The following RBFOX1 variants were observed in gnomAD, a reference collection of about 807,000 sequenced individuals.
RBFOX1 encodes RNA binding fox-1 homolog 1.
Under a neutral mutation model 57.7 loss-of-function variants are expected in RBFOX1, and 8 were observed. The observed-to-expected ratio is 0.14, with a 90% CI of 0.08 to 0.25. The LOEUF is 0.25. Among genes scored for constraint, RBFOX1 ranks in the 10% least tolerant of loss-of-function variants. The pLI is 1.00. For synonymous variants in RBFOX1, 326 were observed against 222.4 expected, an observed-to-expected ratio of 1.47 and a Z score of -4.15; for missense variants, 611 against 548.5, an observed-to-expected ratio of 1.11 and a Z score of -1.14.
intron 1 of RBFOX1, among the ~76,000 whole-genome samples, chr16:5,306,149 C>G (rs1250010721): frequency 1.3e-5 from 2 of 152,136 alleles, no homozygotes; most frequent in African/African-American, 2.4e-5. Flanking sequence ...TGCGATGAGC[C>G]AAGGTCATGC....
chr16:6,826,679 T>G (rs1316689756), intron 3 of RBFOX1, among the ~76,000 whole-genome samples: 2 of 152,120 alleles, frequency 1.3e-5, no homozygotes, highest in African/African-American at 4.8e-5. Flanking sequence ...GCCTAAGAGC[T>G]CAGGAGAGAG....
chr16:7,476,183 G>C (rs187238428), intron 4 of RBFOX1, among the ~76,000 whole-genome samples: 1 of 152,082 alleles, frequency 6.6e-6, no homozygotes, highest in Non-Finnish European at 1.5e-5. Flanking sequence ...ATGTTGCCCA[G>C]GCTGGTCTTG....
chr16:6,580,231 ACAGGCATGAGCCAC>A, intron 2 of RBFOX1, among the ~76,000 whole-genome samples: 1 of 152,318 alleles, frequency 6.6e-6, no homozygotes, highest in East Asian at 1.9e-4. Flanking sequence ...TGCTGGGATT[ACAGGCATGAGCCAC>A]CATGCCCGGC....
intron 1 of RBFOX1, among the ~76,000 whole-genome samples, chr16:6,300,225 A>C (rs2078651374): frequency 6.6e-6 from 1 of 152,208 alleles, no homozygotes; most frequent in Non-Finnish European, 1.5e-5. Flanking sequence ...AAAGGATACA[A>C]CATTTCAATT....
intron 1 of RBFOX1, among the ~76,000 whole-genome samples, chr16:6,229,923 C>T (rs955700902): frequency 6.6e-6 from 1 of 151,858 alleles, no homozygotes; most frequent in Non-Finnish European, 1.5e-5. Context: ...CGAAAGTGAT[C>T]CTCATCCCTT....
intron 2 of RBFOX1, among the ~76,000 whole-genome samples, chr16:6,326,299 C>T (rs926197471): frequency 6.6e-6 from 1 of 152,122 alleles, no homozygotes; most frequent in Non-Finnish European, 1.5e-5. Flanking sequence ...AGTAAACAAA[C>T]AGATATGGTG....
chr16:6,022,711 CAAA>C (rs1321640240), intron 1 of RBFOX1, among the ~76,000 whole-genome samples: 1 of 152,030 alleles, frequency 6.6e-6, no homozygotes, highest in Non-Finnish European at 1.5e-5. Flanking sequence ...AACAAACAAA[CAAA>C]AAACAATTTG....
intron 1 of RBFOX1, among the ~76,000 whole-genome samples, chr16:6,078,793 C>A (rs1160375399): frequency 1.3e-5 from 2 of 152,324 alleles, no homozygotes; most frequent in Non-Finnish European, 2.9e-5. Context: ...CCTAGTCTTT[C>A]ATCATTCTGG....
intron 3 of RBFOX1, among the ~76,000 whole-genome samples, chr16:6,694,450 T>C (rs888610239): frequency 2.6e-5 from 4 of 152,216 alleles, no homozygotes; most frequent in Non-Finnish European, 5.9e-5. Flanking sequence ...TCATTTTGGA[T>C]ATAAAGAGGG....
intron 1 of RBFOX1, among the ~76,000 whole-genome samples, chr16:6,050,115 C>G (rs572171326): frequency 1.4e-4 from 21 of 152,064 alleles, no homozygotes; most frequent in African/African-American, 5.1e-4. Flanking sequence ...TATGCCACGA[C>G]GCCTGACTAA....
At position 7,273,252 on chromosome 16, in the gene RBFOX1, T is replaced by TCCTTCCTTCCTC. The variant is rs1555652867; in HGVS notation, c.27+221159_27+221170dup. Among the ~76,000 whole-genome samples, 890 of 96,550 alleles carry TCCTTCCTTCCTC rather than the reference T, an allele frequency of 9.2e-3. 106 individuals are homozygous for TCCTTCCTTCCTC. Among genetic ancestry groups the TCCTTCCTTCCTC allele is most frequent in the African/African-American group, 0.02 (406 of 20,368 alleles). The allele number at this position is 96,550 out of a possible 152,430, so 63.3% of individuals were successfully genotyped here. A position where few individuals can be genotyped will look rare whatever the true frequency, so the allele number is the denominator to read the frequency against. On this transcript the variant is annotated intron_variant, in intron 4 of 15. Coordinates refer to ENST00000550418, the MANE Select transcript of RBFOX1 (RefSeq NM_018723.4). ...TTCCTTCCTTCCTTCCTTCCTTCCTTCCTTCCTTCCTCCCTTTCTCTTTTT... is the reference window on the plus strand; with the variant it reads ...TTCCTTCCTTCCTTCCTTCCTTCCTTCCTTCCTTCCTCCCTTCCTTCCTCCCTTTCTCTTTTT...
chr16:5,245,564 C>T (rs140822162), intron 1 of RBFOX1, among the ~76,000 whole-genome samples: 1,569 of 152,236 alleles, frequency 0.01, 19 homozygotes, highest in African/African-American at 0.035. Context: ...CCTGCCTCAG[C>T]CTCCCAAGTA....
intron 5 of RBFOX1, among the ~76,000 whole-genome samples, chr16:7,541,739 A>T (rs141294726): frequency 6.6e-6 from 1 of 152,210 alleles, no homozygotes. Context: ...ATGCTTTCCT[A>T]GTCATTAACC....
chr16:7,176,900 A>G (rs1281387599), intron 4 of RBFOX1, among the ~76,000 whole-genome samples: 1 of 152,172 alleles, frequency 6.6e-6, no homozygotes, highest in Non-Finnish European at 1.5e-5. Context: ...AATTTTTTAG[A>G]TATTTCCCAT....
intron 3 of RBFOX1, among the ~76,000 whole-genome samples, chr16:6,656,818 C>G (rs1347513290): frequency 6.6e-6 from 1 of 151,974 alleles, no homozygotes; most frequent in Non-Finnish European, 1.5e-5. Context: ...AGTTAAAATT[C>G]TCAGTGTCTT....
chr16:7,160,017 C>A (rs917261989), intron 4 of RBFOX1, among the ~76,000 whole-genome samples: 7 of 152,098 alleles, frequency 4.6e-5, no homozygotes, highest in African/African-American at 1.7e-4. Flanking sequence ...CTTGACATAT[C>A]TAAGCATTAT....
Position 6,840,764 on chromosome 16 carries a change from G to C in RBFOX1, c.-16+186114G>C, listed in dbSNP as rs148085574. Among the ~76,000 whole-genome samples the C allele has an allele frequency of 7.0e-3, 1,057 of 151,964 alleles. 15 individuals are homozygous for C. Among genetic ancestry groups the C allele is most frequent in the African/African-American group, 0.024 (997 of 41,426 alleles). ...TAGATCAGTGTGGTGGTGTGCACCT[G>C]TAGTCCCAGCTACTCGGGAGGCTGA... On this transcript the variant is annotated intron_variant, in intron 3 of 15. Coordinates refer to ENST00000550418, the MANE Select transcript of RBFOX1 (RefSeq NM_018723.4).
At chr16:5,749,093 T>G (rs1294318987) in intron 3 of RBFOX1, among the ~76,000 whole-genome samples, 1 of 152,198 alleles carries the variant, frequency 6.6e-6, no homozygotes, top group Non-Finnish European at 1.5e-5. Context: ...CAGGATTTGC[T>G]TGTCTGTAAA....
At position 5,249,162 on chromosome 16, in the gene RBFOX1, C is replaced by G. The variant is rs115957984; in HGVS notation, c.219+9057C>G. ...TTAACCTGCTCCAGGTGAGGCTGCGCTTTGTGTGTTTTCCTTTTCCTTGTG... is the reference window on the plus strand; with the variant it reads ...TTAACCTGCTCCAGGTGAGGCTGCGGTTTGTGTGTTTTCCTTTTCCTTGTG... On this transcript the variant is annotated intron_variant, in intron 1 of 2. Transcript: ENST00000585867. Among the ~76,000 whole-genome samples the G allele has an allele frequency of 1.2e-3, 180 of 152,240 alleles. 1 individual carries two copies. Among genetic ancestry groups the G allele is most frequent in the African/African-American group, 4.2e-3 (173 of 41,544 alleles).
Sources: gnomAD v4.1 joint callset for allele counts (sites outside exome capture counted in the v4.1 genomes callset) on GRCh38, gnomAD v4.1.1 for gene constraint, MANE v1.5 for transcripts, NCBI Gene and HGNC (gene_info 2026-07-23, HGNC 2026-07-21) for gene names.